The following SPTBN4 variants were observed in gnomAD, a reference collection of about 807,000 sequenced individuals.
SPTBN4 encodes spectrin beta, non-erythrocytic 4.
SPTBN4 carries 96 observed loss-of-function variants against 277.8 expected under a neutral mutation model. The observed-to-expected ratio is 0.35, with a 90% CI of 0.29 to 0.41. SPTBN4 has a LOEUF of 0.41. Ranked by LOEUF, SPTBN4 falls within the 10% of genes least tolerant of loss-of-function variation. The pLI, the probability that SPTBN4 is intolerant of heterozygous loss-of-function variation, is 1.00. For missense variants in SPTBN4, 3,006 were observed against 3,595.7 expected (o/e 0.84, Z 4.19); for synonymous variants, 1,481 against 1,580.3 (o/e 0.94, Z 1.49).
In SPTBN4 at chr19:40,557,081, G is replaced by A. The variant is rs368732457; in HGVS notation, c.5348G>A (p.Arg1783Gln). 172 of 1,585,864 alleles carry A rather than the reference G, an allele frequency of 1.1e-4. No homozygotes were observed. Among genetic ancestry groups the A allele is most frequent in the Non-Finnish European group, 1.3e-4 (156 of 1,160,734 alleles). ...GAGACAGGTATGGCAGGGCGGGAAC[G>A]GCTGGCAGCTGTGAACCAGATGGTG... The part of the protein sequence containing the change: ...ASETGMAGRE[R>Q]LAAVNQMVDE... The change falls in exon 26 of 36, where the codon CGG becomes CAG. Residue 1783 changes from arginine (R) to glutamine (Q), a missense_variant. Arg to Gln is a conservative substitution (Grantham distance 43). Transcript: ENST00000598249.
chr19:40,547,016 C>T (rs779240248), intron 20 of SPTBN4, among the ~76,000 whole-genome samples: 1 of 144,306 alleles, frequency 6.9e-6, no homozygotes, highest in Non-Finnish European at 1.5e-5. Context: ...TTGGTTGATG[C>T]AGAAGTATTT....
chr19:40,532,321 C>G (rs2080684928), intron 18 of SPTBN4, among the ~76,000 whole-genome samples: 1 of 151,624 alleles, frequency 6.6e-6, no homozygotes, highest in Non-Finnish European at 1.5e-5. Context: ...GTCTAAGAGG[C>G]TGACTGGCCC....
chr19:40,499,222 A>C (rs1264888822), intron 7 of SPTBN4, among the ~76,000 whole-genome samples: 1 of 145,812 alleles, frequency 6.9e-6, no homozygotes, highest in Non-Finnish European at 1.5e-5. Flanking sequence ...TATTTTTAGC[A>C]GAGACAGGGT....
At chr19:40,497,393 G>C (rs1372033318) in intron 6 of SPTBN4, 96 bp from the exon 7 acceptor site, 1 of 871,468 alleles carries the variant, frequency 1.1e-6, no homozygotes, top group African/African-American at 1.6e-5. Context: ...TCTGCCCATT[G>C]CCCTGGGCAG....
rs775718175 is a variant in SPTBN4 at position 40,554,303 on chromosome 19, G to A, written c.4831G>A (p.Glu1611Lys). 2 of 1,542,326 alleles carry A rather than the reference G, an allele frequency of 1.3e-6. No homozygotes were observed. Among genetic ancestry groups the A allele is most frequent in the East Asian group, 2.4e-5 (1 of 41,362 alleles). The change falls in exon 23 of 36, where the codon GAG becomes AAG. Residue 1611 changes from glutamate to lysine, a missense_variant. Coordinates refer to ENST00000598249, the MANE Select transcript of SPTBN4 (RefSeq NM_020971.3). The surrounding 1 kb of genome is among the most constrained non-coding windows in gnomAD (Gnocchi z 5.7). Reference sequence around the variant, plus strand: ...CTGGGCCGGACTGCGGGAGGCTGCCGAGCGACGGCAGCAGGTGCTGGACGC... The same window carrying A: ...CTGGGCCGGACTGCGGGAGGCTGCCAAGCGACGGCAGCAGGTGCTGGACGC... The part of the protein sequence containing the change: ...SAWAGLREAA[E>K]RRQQVLDAAF...
chr19:40,543,721 G>T (rs1417887682), intron 20 of SPTBN4, among the ~76,000 whole-genome samples: 2 of 151,862 alleles, frequency 1.3e-5, no homozygotes, highest in Non-Finnish European at 2.9e-5. Context: ...TTTACTAACC[G>T]AGCAGTCTTC....
At chr19:40,532,859 A>G in intron 19 of SPTBN4, 88 bp downstream of exon 19, 5 of 1,463,974 alleles carry the variant, frequency 3.4e-6, no homozygotes, top group South Asian at 2.8e-5. Context: ...CGCTGCTGCC[A>G]TCCTGCTGGT....
At chr19:40,530,781 T>C (rs907772381) in intron 18 of SPTBN4, 8 of 150,190 alleles carry the variant, frequency 5.3e-5, no homozygotes, top group Non-Finnish European at 9.4e-5. Context: ...TCCGCGGTGC[T>C]GGCGCGGGCG....
chr19:40,570,763 T>C, intron 33 of SPTBN4, 35 bp downstream of exon 33: 1 of 1,591,864 alleles, frequency 6.3e-7, no homozygotes, highest in Non-Finnish European at 8.5e-7. Flanking sequence ...AAGGCGGGTC[T>C]CAGGCTCAGG....
At chr19:40,507,571 A>G (rs927610189) in intron 13 of SPTBN4, among the ~76,000 whole-genome samples, 1 of 152,154 alleles carries the variant, frequency 6.6e-6, no homozygotes, top group African/African-American at 2.4e-5. Context: ...CAGGCCAGGC[A>G]CGGTGGCTCA....
Position 40,504,152 on chromosome 19 carries a change from GA to G in SPTBN4, c.1665+21del. 1 of 877,206 alleles carries G rather than the reference GA, an allele frequency of 1.1e-6. No individual in the cohort carries two copies. The highest frequency in any genetic ancestry group is 1.8e-6 in the Non-Finnish European group (1 of 566,484). The allele number at this position is 877,206 out of a possible 1,614,324, so 54.3% of individuals were successfully genotyped here. ...ATGCAGGTGCCGGCGGGGGGGCGGGGATGCGGGTGGAGTGCCAGGAGGGAGG... is the reference window on the plus strand; with the variant it reads ...ATGCAGGTGCCGGCGGGGGGGCGGGGTGCGGGTGGAGTGCCAGGAGGGAGG... On this transcript the variant is annotated intron_variant, in intron 12 of 35. Coordinates refer to ENST00000598249, the MANE Select transcript of SPTBN4 (RefSeq NM_020971.3).
intron 13 of SPTBN4, among the ~76,000 whole-genome samples, chr19:40,507,307 C>A (rs150437622): frequency 0.027 from 4,124 of 151,530 alleles, 81 homozygotes; most frequent in South Asian, 0.063. Context: ...TGGACTGAGA[C>A]CCTGTCAGCA....
chr19:40,489,228 A>AAAAAAGAAAG (rs781378644), intron 3 of SPTBN4, among the ~76,000 whole-genome samples: 2,172 of 141,608 alleles, frequency 0.015, 34 homozygotes, highest in East Asian at 0.043. Flanking sequence ...AAAAAAAAAA[A>AAAAAAGAAAG]AAAGAAAGAA....
chr19:40,510,943 G>A (rs1260382852), intron 13 of SPTBN4, among the ~76,000 whole-genome samples: 1 of 152,164 alleles, frequency 6.6e-6, no homozygotes, highest in Non-Finnish European at 1.5e-5. Context: ...CTTGAGCCCA[G>A]GAGTTGGAGG....
chr19:40,506,348 C>T lies in SPTBN4; in HGVS notation c.1778C>T (p.Ala593Val). The T allele has an allele frequency of 6.2e-7, 1 of 1,613,940 alleles. No homozygotes were observed. The highest frequency in any genetic ancestry group is 8.5e-7 in the Non-Finnish European group (1 of 1,179,864). The part of the protein sequence containing the change: ...DIAAQSERVE[A>V]LNAAALRFSQ... ...GCCGCCCAGAGCGAGCGGGTGGAGG[C>T]TCTCAATGCCGCTGCCCTGCGCTTC... is the stretch of plus-strand genomic sequence containing the variant. Residue 593 changes from alanine (A) to valine (V), a missense_variant, in exon 13 of 36, where the codon GCT (alanine) becomes GTT (valine). By Grantham distance (64) the Ala-to-Val change is moderately conservative (BLOSUM62 0). Transcript: ENST00000598249.
At chr19:40,547,897 A>C (rs942614465) in intron 20 of SPTBN4, among the ~76,000 whole-genome samples, 41 of 152,316 alleles carry the variant, frequency 2.7e-4, no homozygotes, top group African/African-American at 9.6e-4. Context: ...TCTCCATCCC[A>C]ACATTATAAA....
intron 27 of SPTBN4, among the ~76,000 whole-genome samples, chr19:40,561,227 G>C (rs982107929): frequency 1.3e-5 from 2 of 152,018 alleles, no homozygotes; most frequent in African/African-American, 4.8e-5. Flanking sequence ...TGGCCACTCT[G>C]GTCTCAAACT....
chr19:40,470,432 G>C (rs189084284), intron 1 of SPTBN4, among the ~76,000 whole-genome samples: 3 of 152,142 alleles, frequency 2.0e-5, no homozygotes, highest in African/African-American at 7.2e-5. Context: ...TCAGCCTCCT[G>C]AGTAGCTGGG....
chr19:40,474,994 G>A (rs888988110), intron 2 of SPTBN4, among the ~76,000 whole-genome samples: 4 of 151,956 alleles, frequency 2.6e-5, no homozygotes, highest in East Asian at 1.9e-4. Context: ...CTCGGCCTCC[G>A]AAAGTGCTTT....
Sources: allele counts gnomAD v4.1 joint callset (sites outside exome capture counted in the v4.1 genomes callset), GRCh38; gene constraint gnomAD v4.1.1; non-coding constraint Gnocchi (gnomAD v3.1); transcripts MANE v1.5; gene names NCBI Gene and HGNC (gene_info 2026-07-23, HGNC 2026-07-21).